Variants in SCARB2 observed in about 807,000 individuals in gnomAD.
SCARB2 encodes lysosome membrane protein 2.
In SCARB2, 29 loss-of-function variants were observed where a neutral mutation model predicts 58.6. That is an observed-to-expected ratio of 0.49 (90% CI 0.37 to 0.67). SCARB2 has a LOEUF of 0.67. Ranked by LOEUF, SCARB2 falls within the 30% of genes least tolerant of loss-of-function variation. The pLI, the probability that SCARB2 is intolerant of heterozygous loss-of-function variation, is 0.00. For synonymous variants in SCARB2, 195 were observed against 210.1 expected, an observed-to-expected ratio of 0.93 and a Z score of 0.62; for missense variants, 488 against 578.5, an observed-to-expected ratio of 0.84 and a Z score of 1.60.
chr4:76,169,167 G>A (rs961986048), intron 8 of SCARB2, among the ~76,000 whole-genome samples: 3 of 151,818 alleles, frequency 2.0e-5, no homozygotes, highest in African/African-American at 2.4e-5. Context: ...ATGCAGCTAA[G>A]AGTGTGAAGT....
At position 76,192,206 on chromosome 4, in the gene SCARB2, T is replaced by C. The variant is rs574335191; in HGVS notation, c.275+3501A>G. The C allele has an allele frequency of 5.9e-5, 9 of 152,142 alleles. 1 individual carries two copies. The South Asian group carries it at 1.2e-3, about 21-fold the overall frequency. 9.4% of individuals were successfully genotyped at this position (152,142 alleles called of 1,614,324 possible). On this transcript the variant is annotated intron_variant, in intron 2 of 11. Coordinates refer to ENST00000264896, the MANE Select transcript of SCARB2 (RefSeq NM_005506.4). ...GGTAATGGGCAGAGAAGGGAAGAGTTTGGAGGGCTCAGAAGAAGACAAGAA... is the reference window on the plus strand; with the variant it reads ...GGTAATGGGCAGAGAAGGGAAGAGTCTGGAGGGCTCAGAAGAAGACAAGAA...
Position 76,162,648 on chromosome 4 carries a change from C to T in SCARB2, c.1398+577G>A, listed in dbSNP as rs143806006. On this transcript the variant is annotated intron_variant, in intron 11 of 11. Transcript: ENST00000264896. Reference sequence around the variant, plus strand: ...GGATTCTTTCCAAGCAGGACCCTGGCTGTCTTGCTCTATAATCTTGGAGCT... The same window carrying T: ...GGATTCTTTCCAAGCAGGACCCTGGTTGTCTTGCTCTATAATCTTGGAGCT... 4.7e-4 allele frequency: 75 copies of T among 159,312 alleles called. No individual in the cohort carries two copies. In the East Asian group the frequency reaches 0.013, roughly 28 times the overall value. 9.9% of individuals were successfully genotyped at this position (159,312 alleles called of 1,614,324 possible).
At chr4:76,183,416 C>A (rs1732425203) in intron 2 of SCARB2, among the ~76,000 whole-genome samples, 1 of 152,188 alleles carries the variant, frequency 6.6e-6, no homozygotes, top group South Asian at 2.1e-4. Flanking sequence ...TCCCCCTGTG[C>A]TTGGGCTCAA....
chr4:76,187,330 G>A (rs1732508396), intron 2 of SCARB2, among the ~76,000 whole-genome samples: 1 of 152,144 alleles, frequency 6.6e-6, no homozygotes, highest in Admixed American at 6.5e-5. Context: ...GGTTCACAGA[G>A]TGCCATGAAC....
At chr4:76,198,870 G>A (rs1732772361) in intron 1 of SCARB2, among the ~76,000 whole-genome samples, 1 of 151,638 alleles carries the variant, frequency 6.6e-6, no homozygotes, top group African/African-American at 2.4e-5. Context: ...GTGTGTGTGT[G>A]TGTGCTCATG....
chr4:76,176,567 A>G, intron 4 of SCARB2, 39 bp from the exon 5 acceptor site: 1 of 1,413,950 alleles, frequency 7.1e-7, no homozygotes, highest in Non-Finnish European at 1.0e-6. Context: ...AGTAACTGTG[A>G]TAATTTTATG....
At chr4:76,196,896 A>AT (rs1206471138) in intron 1 of SCARB2, among the ~76,000 whole-genome samples, 2 of 152,114 alleles carry the variant, frequency 1.3e-5, no homozygotes, top group Admixed American at 1.3e-4. Context: ...ATACCTCACA[A>AT]TGTGCCTGTA....
intron 11 of SCARB2, chr4:76,162,024 T>G (rs989032472): frequency 7.7e-6 from 4 of 522,302 alleles, no homozygotes; most frequent in African/African-American, 1.9e-5. Context: ...TAGACTCTAT[T>G]CAACTTGCCT....
chr4:76,177,416 A>G lies in SCARB2; in HGVS notation c.613-888T>C, dbSNP rs545961896. On this transcript the variant is annotated intron_variant, in intron 4 of 11. Transcript: ENST00000264896. ...GGAACCTTTATACATTGCTAGCAGGAATATAAAAATGTTGCAGTCACTGCA... is the reference window on the plus strand; with the variant it reads ...GGAACCTTTATACATTGCTAGCAGGGATATAAAAATGTTGCAGTCACTGCA... 3.9e-5 allele frequency among the ~76,000 whole-genome samples: 6 copies of G among 152,312 alleles called. No individual in the cohort carries two copies. In the South Asian group the frequency reaches 1.2e-3, roughly 32 times the overall value.
At chr4:76,166,092 T>C in intron 10 of SCARB2, 158 bp downstream of exon 10, 3 of 788,102 alleles carry the variant, frequency 3.8e-6, no homozygotes, top group Non-Finnish European at 6.8e-6. Flanking sequence ...CACAGGCAGA[T>C]TCATGTGAAC....
chr4:76,176,602 C>A, intron 4 of SCARB2, 74 bp from the exon 5 acceptor site: 1 of 1,050,686 alleles, frequency 9.5e-7, no homozygotes, highest in East Asian at 2.4e-5. Context: ...CTATGGTGCC[C>A]AGTTGTTTGG....
intron 1 of SCARB2, among the ~76,000 whole-genome samples, chr4:76,219,963 C>T (rs1193408071): frequency 6.6e-6 from 1 of 152,188 alleles, no homozygotes; most frequent in African/African-American, 2.4e-5. Context: ...TAAATAAATA[C>T]TGTTTCTTTT....
intron 2 of SCARB2, among the ~76,000 whole-genome samples, chr4:76,190,917 G>C (rs1732591596): frequency 1.3e-5 from 2 of 152,178 alleles, no homozygotes; most frequent in Non-Finnish European, 2.9e-5. Context: ...GAAATGAAAT[G>C]TTCTATAAGT....
chr4:76,209,378 A>T (rs1429970307), intron 1 of SCARB2, among the ~76,000 whole-genome samples: 4 of 151,420 alleles, frequency 2.6e-5, no homozygotes, highest in South Asian at 2.1e-4. Context: ...TTTTATTTTT[A>T]TTTTTTTTGA....
At chr4:76,211,253 C>G (rs1733039665) in intron 1 of SCARB2, among the ~76,000 whole-genome samples, 1 of 152,098 alleles carries the variant, frequency 6.6e-6, no homozygotes, top group Admixed American at 6.5e-5. Flanking sequence ...AGTGAGAGAC[C>G]CAAAGCTTAA....
intron 1 of SCARB2, among the ~76,000 whole-genome samples, chr4:76,207,898 T>C (rs890372115): frequency 2.6e-5 from 4 of 152,254 alleles, no homozygotes; most frequent in African/African-American, 4.8e-5. Flanking sequence ...TCCTTTAATG[T>C]AAACTTGCAG....
At chr4:76,203,432 G>T (rs983168792) in intron 1 of SCARB2, among the ~76,000 whole-genome samples, 2 of 152,224 alleles carry the variant, frequency 1.3e-5, no homozygotes, top group Admixed American at 1.3e-4. Context: ...CCCAATATTG[G>T]TGTTTAAGGT....
In SCARB2 at chr4:76,160,476, G is replaced by A. The variant is rs1731872972; in HGVS notation, c.*1237C>T. The stretch of plus-strand genomic sequence containing the variant: ...ACCAAGAAGTCCTTTGAAAAGTGGT[G>A]TCTCTGCTTCTGGTCCTAACAGACC... On this transcript the variant is annotated 3_prime_UTR_variant, in exon 12 of 12. Coordinates refer to ENST00000264896, the MANE Select transcript of SCARB2 (RefSeq NM_005506.4). The A allele has an allele frequency of 6.6e-6, 1 of 152,184 alleles. No individual in the cohort carries two copies. The highest frequency in any genetic ancestry group is 6.5e-5 in the Admixed American group (1 of 15,278). The allele number at this position is 152,184 out of a possible 1,614,324, so 9.4% of individuals were successfully genotyped here.
intron 11 of SCARB2, 70 bp downstream of exon 11, chr4:76,163,155 A>G (rs1731932795): frequency 6.3e-7 from 1 of 1,584,912 alleles, no homozygotes; most frequent in African/African-American, 1.3e-5. Flanking sequence ...ACAGCCCTTC[A>G]GTGAAGTACA....
Sources: gnomAD v4.1 joint callset for allele counts (sites outside exome capture counted in the v4.1 genomes callset) on GRCh38, gnomAD v4.1.1 for gene constraint, MANE v1.5 for transcripts, NCBI Gene and HGNC (gene_info 2026-07-23, HGNC 2026-07-21) for gene names.